CDH18: variants seen among roughly 807,000 people sequenced by gnomAD.
The protein encoded by CDH18 is cadherin-18.
CDH18 carries 31 observed loss-of-function variants against 67.9 expected under a neutral mutation model. That is an observed-to-expected ratio of 0.46 (90% CI 0.34 to 0.62). The LOEUF (loss-of-function observed/expected upper bound fraction) is 0.62, where lower values mean the gene tolerates loss of function less well. Ranked by LOEUF, CDH18 falls within the 20% of genes least tolerant of loss-of-function variation. The pLI is 0.01. For synonymous variants in CDH18, 362 were observed against 347.2 expected, an observed-to-expected ratio of 1.04 and a Z score of -0.48; for missense variants, 890 against 975.5, an observed-to-expected ratio of 0.91 and a Z score of 1.17.
intron 2 of CDH18, among the ~76,000 whole-genome samples, chr5:20,136,753 T>C (rs896670728): frequency 1.3e-5 from 2 of 152,190 alleles, no homozygotes; most frequent in African/African-American, 4.8e-5. Flanking sequence ...TGTTTAGTGC[T>C]TCCTTCAGGA....
intron 2 of CDH18, among the ~76,000 whole-genome samples, chr5:20,163,623 C>A (rs1736059812): frequency 6.6e-6 from 1 of 152,204 alleles, no homozygotes; most frequent in African/African-American, 2.4e-5. Flanking sequence ...CTTTCATGAT[C>A]TCTCAGCAGC....
At chr5:19,774,023 T>C (rs1453102502) in intron 3 of CDH18, among the ~76,000 whole-genome samples, 1 of 152,336 alleles carries the variant, frequency 6.6e-6, no homozygotes, top group South Asian at 2.1e-4. Flanking sequence ...TTTCTCTATA[T>C]AGCTAGATCC....
At chr5:19,722,455 A>C (rs915785414) in intron 4 of CDH18, among the ~76,000 whole-genome samples, 2 of 151,254 alleles carry the variant, frequency 1.3e-5, no homozygotes, top group African/African-American at 4.9e-5. Context: ...AAATTCATTT[A>C]TAACATTTAA....
At chr5:19,677,760 GATATTTGAGACCTAATTACTC>G (rs1244261258) in intron 5 of CDH18, among the ~76,000 whole-genome samples, 1 of 151,508 alleles carries the variant, frequency 6.6e-6, no homozygotes, top group Non-Finnish European at 1.5e-5. Flanking sequence ...TGTTAGCAAA[GATATTTGAGACCTAATTACTC>G]ATATTTGAGA....
At chr5:20,428,345 T>C (rs1748473390) in intron 1 of CDH18, among the ~76,000 whole-genome samples, 1 of 144,674 alleles carries the variant, frequency 6.9e-6, no homozygotes, top group Non-Finnish European at 1.5e-5. Flanking sequence ...CAGTCTATCA[T>C]TGATGGGCAT....
chr5:19,962,465 T>C (rs1468888116), intron 2 of CDH18, among the ~76,000 whole-genome samples: 2 of 150,540 alleles, frequency 1.3e-5, no homozygotes, highest in Non-Finnish European at 3.0e-5. Flanking sequence ...TTGCATAGCA[T>C]TGTATTTTAT....
At chr5:19,477,173 CTG>C (rs1399108266) in intron 12 of CDH18, among the ~76,000 whole-genome samples, 2 of 149,312 alleles carry the variant, frequency 1.3e-5, no homozygotes, top group Admixed American at 6.7e-5. Context: ...AAATCAAAAT[CTG>C]AGACATTTTT....
At chr5:19,709,365 C>T (rs763481218) in intron 5 of CDH18, among the ~76,000 whole-genome samples, 20 of 152,022 alleles carry the variant, frequency 1.3e-4, no homozygotes, top group South Asian at 2.1e-4. Context: ...GTCAAGAGTT[C>T]GAGGCCAACC....
At chr5:20,304,250 A>T in intron 1 of CDH18, 2 of 1,584,572 alleles carry the variant, frequency 1.3e-6, no homozygotes, top group Admixed American at 3.3e-5. Context: ...TATGTTGCCT[A>T]AATTGGTGTC....
intron 3 of CDH18, among the ~76,000 whole-genome samples, chr5:19,803,533 GCA>G (rs1260961212): frequency 6.6e-6 from 1 of 152,102 alleles, no homozygotes; most frequent in Non-Finnish European, 1.5e-5. Flanking sequence ...AACCACAACT[GCA>G]CAGTTATGTT....
At chr5:19,929,792 T>C (rs1793480733) in intron 2 of CDH18, among the ~76,000 whole-genome samples, 1 of 152,092 alleles carries the variant, frequency 6.6e-6, no homozygotes, top group African/African-American at 2.4e-5. Context: ...GCATTCATTA[T>C]AGTAAAAGGA....
At chr5:20,297,670 C>G (rs1470446114) in intron 1 of CDH18, among the ~76,000 whole-genome samples, 2 of 152,052 alleles carry the variant, frequency 1.3e-5, no homozygotes, top group Admixed American at 1.3e-4. Context: ...ATAACTAGTG[C>G]CAAATGTCAC....
chr5:20,014,954 T>C (rs1013488765), intron 2 of CDH18, among the ~76,000 whole-genome samples: 1 of 152,094 alleles, frequency 6.6e-6, no homozygotes, highest in Admixed American at 6.6e-5. Flanking sequence ...AAACCCACAT[T>C]CTTCTAGAAG....
intron 5 of CDH18, among the ~76,000 whole-genome samples, chr5:19,664,573 T>A (rs1757642457): frequency 6.9e-6 from 1 of 144,966 alleles, no homozygotes; most frequent in Non-Finnish European, 1.5e-5. Flanking sequence ...ATAAATTATA[T>A]TAACAACCCA....
intron 1 of CDH18, among the ~76,000 whole-genome samples, chr5:20,294,830 T>A (rs975054016): frequency 4.6e-5 from 7 of 152,154 alleles, no homozygotes; most frequent in African/African-American, 1.2e-4. Context: ...TTCCTACATA[T>A]ATATATACAC....
chr5:20,460,823 A>G (rs1050391982), intron 1 of CDH18, among the ~76,000 whole-genome samples: 1 of 152,230 alleles, frequency 6.6e-6, no homozygotes, highest in African/African-American at 2.4e-5. Flanking sequence ...AATAATAACG[A>G]TACAAATGTC....
intron 3 of CDH18, among the ~76,000 whole-genome samples, chr5:19,763,057 T>C (rs1052237081): frequency 3.3e-5 from 5 of 152,070 alleles, no homozygotes; most frequent in Admixed American, 6.5e-5. Context: ...ATGAGAACAC[T>C]TGGACACAAG....
At chr5:19,544,932 G>C (rs902363856) in intron 8 of CDH18, among the ~76,000 whole-genome samples, 2 of 152,062 alleles carry the variant, frequency 1.3e-5, no homozygotes, top group African/African-American at 4.8e-5. Flanking sequence ...AATTCAGCTA[G>C]CCCTCAGCTA....
chr5:20,396,661 T>C (rs574323219), intron 1 of CDH18, among the ~76,000 whole-genome samples: 1 of 152,214 alleles, frequency 6.6e-6, no homozygotes, highest in African/African-American at 2.4e-5. Context: ...AATTGATTTA[T>C]TTTATGCATT....
Sources: gnomAD v4.1 joint callset for allele counts (sites outside exome capture counted in the v4.1 genomes callset) on GRCh38, gnomAD v4.1.1 for gene constraint, MANE v1.5 for transcripts, NCBI Gene and HGNC (gene_info 2026-07-23, HGNC 2026-07-21) for gene names.